The following PAH variants were observed in gnomAD, a reference collection of about 807,000 sequenced individuals.
The protein encoded by PAH is phenylalanine hydroxylase.
In PAH, 64 loss-of-function variants were observed where a neutral mutation model predicts 62.0. The observed-to-expected ratio is 1.03, with a 90% CI of 0.84 to 1.27. The LOEUF (loss-of-function observed/expected upper bound fraction) is 1.27. PAH is among the 50% of genes most tolerant of loss of function. The pLI, the probability that PAH is intolerant of heterozygous loss-of-function variation, is 0.00. For missense variants in PAH, 579 were observed against 542.8 expected (o/e 1.07, Z -0.66); for synonymous variants, 195 against 196.2 (o/e 0.99, Z 0.05).
intron 3 of PAH, among the ~76,000 whole-genome samples, chr12:102,891,336 C>G (rs1328739001): frequency 2.0e-5 from 3 of 152,116 alleles, no homozygotes; most frequent in Non-Finnish European, 4.4e-5. Flanking sequence ...CATGACCCCC[C>G]AGAACCCACT....
chr12:102,901,038 A>G (rs1276868262), intron 2 of PAH, among the ~76,000 whole-genome samples: 1 of 152,148 alleles, frequency 6.6e-6, no homozygotes, highest in African/African-American at 2.4e-5. Context: ...TGAATCACCA[A>G]TTTTTCTAAG....
chr12:102,861,486 T>C (rs1875712449), intron 5 of PAH, among the ~76,000 whole-genome samples: 1 of 152,202 alleles, frequency 6.6e-6, no homozygotes. Context: ...ACTGGGTATA[T>C]ACCCAAAGGA....
intron 11 of PAH, among the ~76,000 whole-genome samples, chr12:102,842,479 T>C (rs1874633593): frequency 6.6e-6 from 1 of 152,196 alleles, no homozygotes; most frequent in Non-Finnish European, 1.5e-5. Flanking sequence ...TTAGTCCTCT[T>C]TGAAGTCTCT....
intron 1 of PAH, among the ~76,000 whole-genome samples, chr12:102,936,709 C>T (rs545529941): frequency 3.9e-5 from 6 of 152,154 alleles, no homozygotes; most frequent in South Asian, 2.1e-4. Context: ...TTCTCTTTTT[C>T]GGTTTCCATT....
intron 2 of PAH, among the ~76,000 whole-genome samples, chr12:102,903,557 T>C (rs1281938862): frequency 6.6e-6 from 1 of 152,136 alleles, no homozygotes; most frequent in East Asian, 1.9e-4. Flanking sequence ...GAATATCTGA[T>C]GAGGGGGAGG....
At chr12:102,888,840 G>A (rs1271723816) in intron 3 of PAH, among the ~76,000 whole-genome samples, 3 of 152,038 alleles carry the variant, frequency 2.0e-5, no homozygotes, top group Non-Finnish European at 4.4e-5. Context: ...AATCCTGTGT[G>A]TTTTTGCAAA....
intron 2 of PAH, among the ~76,000 whole-genome samples, chr12:102,897,683 T>C (rs1241292765): frequency 1.3e-5 from 2 of 152,164 alleles, no homozygotes; most frequent in African/African-American, 2.4e-5. Context: ...TGCCTGAGTA[T>C]CAGAGTTTGC....
At chr12:102,883,089 C>T (rs1313411169) in intron 3 of PAH, among the ~76,000 whole-genome samples, 1 of 152,172 alleles carries the variant, frequency 6.6e-6, no homozygotes, top group Non-Finnish European at 1.5e-5. Flanking sequence ...GTTTCTGTAA[C>T]ATGTGGGTAT....
At chr12:102,904,086 C>G (rs1042741923) in intron 2 of PAH, among the ~76,000 whole-genome samples, 1 of 152,138 alleles carries the variant, frequency 6.6e-6, no homozygotes, top group African/African-American at 2.4e-5. Context: ...TGTAGGTTAG[C>G]AGGTAAGGGT....
chr12:102,870,686 G>A (rs1261754981), intron 4 of PAH, among the ~76,000 whole-genome samples: 1 of 152,150 alleles, frequency 6.6e-6, no homozygotes, highest in Admixed American at 6.5e-5. Context: ...ATAACAAGAG[G>A]CTTTTTGCAT....
chr12:102,839,698 T>C (rs11111403), intron 12 of PAH, among the ~76,000 whole-genome samples: 34,061 of 152,222 alleles, frequency 0.22, 5,351 homozygotes, highest in East Asian at 0.77. Flanking sequence ...CTGATGCACA[T>C]TCAAATTTTA....
At chr12:102,951,268 G>A (rs1401001479), upstream of PAH, among the ~76,000 whole-genome samples, 1 of 152,144 alleles carries the variant, frequency 6.6e-6, no homozygotes, top group Admixed American at 6.5e-5. Flanking sequence ...CACGGGGGCC[G>A]GAGCACAGAG....
intron 9 of PAH, 79 bp downstream of exon 9, chr12:102,846,816 G>T: frequency 8.3e-7 from 1 of 1,197,720 alleles, no homozygotes. Flanking sequence ...TGGCTTCCAG[G>T]GGAGTAGGAA....
rs546973756 is a variant in PAH at position 102,852,575 on chromosome 12, A to T, written c.842+240T>A. Among the ~76,000 whole-genome samples, 6 of 152,276 alleles carry T rather than the reference A, an allele frequency of 3.9e-5. No homozygotes were observed. The East Asian group carries it at 1.2e-3, about 29-fold the overall frequency. ...AACTTGATTGGGATCTCTCATTCTC[A>T]CTGCCAAGGGAGTTCTGAGTTATTG... On this transcript the variant is annotated intron_variant, in intron 7 of 12. Transcript: ENST00000553106.
Position 102,837,263 on chromosome 12 carries a change from T to G in PAH, c.*1912A>C, listed in dbSNP as rs1874402086. ...ATCTTTCATTCAGTATGTAACTTCC[T>G]GTGAAAATCATAACTTAACCGAAAC... On this transcript the variant is annotated 3_prime_UTR_variant, in exon 13 of 13. Transcript: ENST00000553106. 2.0e-5 allele frequency: 3 copies of G among 152,232 alleles called. No homozygotes were observed. The highest frequency in any genetic ancestry group is 7.2e-5 in the African/African-American group (3 of 41,458). The allele number at this position is 152,232 out of a possible 1,614,324, so 9.4% of individuals were successfully genotyped here. A position where few individuals can be genotyped will look rare whatever the true frequency, so the allele number is the denominator to read the frequency against.
At chr12:102,885,006 C>T (rs1291641112) in intron 3 of PAH, among the ~76,000 whole-genome samples, 1 of 152,166 alleles carries the variant, frequency 6.6e-6, no homozygotes, top group African/African-American at 2.4e-5. Flanking sequence ...AACAATTTTG[C>T]AGCCGATGCA....
intron 2 of PAH, among the ~76,000 whole-genome samples, chr12:102,911,553 TTA>T (rs1267322340): frequency 1.3e-5 from 2 of 152,216 alleles, no homozygotes; most frequent in African/African-American, 2.4e-5. Flanking sequence ...GTTATTTTCA[TTA>T]GACTGAATAA....
intron 2 of PAH, among the ~76,000 whole-genome samples, chr12:102,898,563 G>A (rs1246923646): frequency 2.6e-5 from 4 of 152,064 alleles, no homozygotes; most frequent in Non-Finnish European, 4.4e-5. Flanking sequence ...GATCATTAAC[G>A]GTATAAGGTT....
rs542645236 is a variant in PAH, at chr12:102,894,767, T to C, written c.320A>G (p.His107Arg). The change falls in exon 3 of 13, where the codon CAT (histidine) becomes CGT (arginine). Residue 107 changes from histidine (H) to arginine (R), a missense_variant. Transcript: ENST00000553106. ...ILRHDIGATV[H>R]ELSRDKKKDT... ...TTTCTTCTTATCTCGTGAAAGCTCA[T>C]GGACAGTGGCACCAATGTCATGCCT... 12 of 1,614,176 alleles carry C rather than the reference T, an allele frequency of 7.4e-6. No homozygotes were observed. The highest frequency in any genetic ancestry group is 3.3e-4 in the Middle Eastern group (2 of 6,062).
Sources: allele counts gnomAD v4.1 joint callset (sites outside exome capture counted in the v4.1 genomes callset), GRCh38; gene constraint gnomAD v4.1.1; transcripts MANE v1.5; gene names NCBI Gene and HGNC (gene_info 2026-07-23, HGNC 2026-07-21).